The following SPAG16 variants were observed in gnomAD, a reference collection of about 807,000 sequenced individuals.
SPAG16 encodes the protein sperm-associated antigen 16 protein.
In SPAG16, 86 loss-of-function variants were observed where a neutral mutation model predicts 80.4. That is an observed-to-expected ratio of 1.07 (90% CI 0.90 to 1.28). The LOEUF (loss-of-function observed/expected upper bound fraction) is 1.28. Ranked by LOEUF, SPAG16 falls within the 50% of genes most tolerant of loss-of-function variation. The probability of loss-of-function intolerance (pLI) is 0.00; values close to 1 mark genes in which losing one functional copy is unlikely to be tolerated. For missense variants in SPAG16, 870 were observed against 765.3 expected (o/e 1.14, Z -1.61); for synonymous variants, 294 against 265.9 (o/e 1.11, Z -1.03).
At chr2:214,044,128 A>AT (rs1256917257) in intron 13 of SPAG16, among the ~76,000 whole-genome samples, 1 of 152,010 alleles carries the variant, frequency 6.6e-6, no homozygotes, top group African/African-American at 2.4e-5. Flanking sequence ...TCATGTCAAC[A>AT]TTTTCTTGTT....
chr2:213,510,387 A>AT (rs113761851), intron 10 of SPAG16, among the ~76,000 whole-genome samples: 2 of 151,842 alleles, frequency 1.3e-5, no homozygotes, highest in African/African-American at 4.8e-5. Context: ...ACTATTTAAC[A>AT]TTTTTTTTAT....
At chr2:214,407,942 T>TA (rs1331459963) in intron 15 of SPAG16, among the ~76,000 whole-genome samples, 1 of 152,160 alleles carries the variant, frequency 6.6e-6, no homozygotes, top group Non-Finnish European at 1.5e-5. Context: ...AGGAATTAGT[T>TA]ACGATACGTA....
intron 10 of SPAG16, among the ~76,000 whole-genome samples, chr2:213,524,872 A>G (rs2075828021): frequency 6.6e-6 from 1 of 152,182 alleles, no homozygotes; most frequent in Non-Finnish European, 1.5e-5. Context: ...TAATGTTGGA[A>G]TTAGTTAAGA....
intron 13 of SPAG16, among the ~76,000 whole-genome samples, chr2:214,071,420 A>C (rs1312621212): frequency 6.6e-6 from 1 of 152,132 alleles, no homozygotes; most frequent in Admixed American, 6.6e-5. Context: ...TAATAAAGTA[A>C]TTCAGTAAAC....
chr2:214,141,694 C>T (rs1033977675), intron 14 of SPAG16, among the ~76,000 whole-genome samples: 14 of 152,070 alleles, frequency 9.2e-5, no homozygotes, highest in African/African-American at 2.7e-4. Flanking sequence ...TTTTTTCCCC[C>T]GGTACAATGA....
chr2:213,625,075 G>A (rs1450990402), intron 10 of SPAG16, among the ~76,000 whole-genome samples: 1 of 152,150 alleles, frequency 6.6e-6, no homozygotes, highest in East Asian at 1.9e-4. Flanking sequence ...TTTCAGGCTT[G>A]AGCCACCACA....
chr2:213,651,175 T>G (rs2063004185), intron 10 of SPAG16, among the ~76,000 whole-genome samples: 1 of 152,026 alleles, frequency 6.6e-6, no homozygotes, highest in South Asian at 2.1e-4. Flanking sequence ...CACACACAAC[T>G]TGTTACAAGG....
intron 10 of SPAG16, among the ~76,000 whole-genome samples, chr2:213,613,497 C>G (rs2061501928): frequency 6.6e-6 from 1 of 152,182 alleles, no homozygotes; most frequent in Non-Finnish European, 1.5e-5. Flanking sequence ...CTTGCCATTC[C>G]TGCCACCTGG....
At chr2:214,404,098 A>C (rs1701860660) in intron 15 of SPAG16, among the ~76,000 whole-genome samples, 1 of 152,184 alleles carries the variant, frequency 6.6e-6, no homozygotes. Flanking sequence ...TACATTCAAG[A>C]AATGAGGGCA....
chr2:213,515,052 T>C (rs1321152446), intron 10 of SPAG16, among the ~76,000 whole-genome samples: 3 of 152,192 alleles, frequency 2.0e-5, no homozygotes, highest in Non-Finnish European at 4.4e-5. Context: ...ATATTTTTAT[T>C]CAAAATAACA....
In SPAG16 at chr2:213,350,588, C is replaced by G. The variant is rs767894375; in HGVS notation, c.705C>G (p.His235Gln). ...PTIRVLHEKH[H>Q]TLLKEKMLTS... ...TAAGGGTGTTACATGAGAAACACCA[C>G]ACTTTACTGAAGGAGAAAATGCTGA... The change falls in exon 7 of 16, where the codon CAC becomes CAG. Residue 235 changes from histidine to glutamine, a missense_variant. His to Gln is a conservative substitution (Grantham distance 24, BLOSUM62 0). Transcript: ENST00000331683. The G allele has an allele frequency of 4.4e-6, 7 of 1,604,448 alleles. No homozygotes were observed. Among genetic ancestry groups the G allele is most frequent in the Non-Finnish European group, 5.9e-6 (7 of 1,177,080 alleles).
At chr2:214,128,039 T>C (rs1650683351) in intron 14 of SPAG16, among the ~76,000 whole-genome samples, 2 of 151,852 alleles carry the variant, frequency 1.3e-5, no homozygotes, top group South Asian at 4.1e-4. Context: ...TAAATGTCCT[T>C]TAATTCTCAA....
In SPAG16 at chr2:213,364,130, G is replaced by C. The variant is rs2066146724; in HGVS notation, c.817G>C (p.Gly273Arg). Reference protein sequence around the residue: ...KKLQRGHSYHGPQIKVDHSRE... With the variant: ...KKLQRGHSYHRPQIKVDHSRE... ...ACTGCAAAGAGGACATAGTTACCAT[G>C]GTCCTCAAATTAAAGGTAAATGTAA... The change falls in exon 8 of 16, where the codon GGT (glycine) becomes CGT (arginine). Residue 273 changes from glycine (G) to arginine (R), a missense_variant. Transcript: ENST00000331683. 6.6e-7 allele frequency: 1 copy of C among 1,518,122 alleles called. No homozygotes were observed. The highest frequency in any genetic ancestry group is 8.8e-7 in the Non-Finnish European group (1 of 1,134,990). 94.0% of individuals were successfully genotyped at this position (1,518,122 alleles called of 1,614,324 possible).
chr2:214,288,383 A>G (rs778592832), intron 15 of SPAG16, among the ~76,000 whole-genome samples: 11 of 152,230 alleles, frequency 7.2e-5, no homozygotes, highest in Admixed American at 2.6e-4. Context: ...CCGCAAAGAC[A>G]TGCAAGTGCA....
At chr2:214,177,971 G>GTATATATATATATATATATA (rs34460783) in intron 15 of SPAG16, among the ~76,000 whole-genome samples, 1 of 59,352 alleles carries the variant, frequency 1.7e-5, no homozygotes, top group Non-Finnish European at 3.2e-5. Context: ...CAAAGTGTAT[G>GTATATATATATATATATATA]TATATATATA....
chr2:213,923,097 G>A (rs932172597), intron 11 of SPAG16, among the ~76,000 whole-genome samples: 1 of 152,148 alleles, frequency 6.6e-6, no homozygotes, highest in African/African-American at 2.4e-5. Context: ...AGGGCAACAG[G>A]AGCCTGCCTG....
intron 15 of SPAG16, among the ~76,000 whole-genome samples, chr2:214,377,208 A>AAG (rs1406860838): frequency 6.6e-6 from 1 of 152,152 alleles, no homozygotes; most frequent in Non-Finnish European, 1.5e-5. Context: ...TCCCAATAAA[A>AAG]AGTGATGTCT....
intron 10 of SPAG16, among the ~76,000 whole-genome samples, chr2:213,507,901 A>C (rs1278478495): frequency 6.6e-6 from 1 of 152,238 alleles, no homozygotes; most frequent in Admixed American, 6.5e-5. Context: ...ATTAATCAAT[A>C]GTGTATGGTA....
At chr2:213,919,268 T>C (rs2078104496) in intron 11 of SPAG16, among the ~76,000 whole-genome samples, 1 of 152,062 alleles carries the variant, frequency 6.6e-6, no homozygotes, top group South Asian at 2.1e-4. Context: ...TTTTCAGTGG[T>C]TTTTTCATAT....
Sources: gnomAD v4.1 joint callset for allele counts (sites outside exome capture counted in the v4.1 genomes callset) on GRCh38, gnomAD v4.1.1 for gene constraint, MANE v1.5 for transcripts, NCBI Gene and HGNC (gene_info 2026-07-23, HGNC 2026-07-21) for gene names.